The following RNGTT variants were observed in gnomAD, a reference collection of about 807,000 sequenced individuals.
RNGTT encodes mRNA-capping enzyme.
Under a neutral mutation model 79.3 loss-of-function variants are expected in RNGTT, and 33 were observed. The observed-to-expected ratio is 0.42, with a 90% CI of 0.32 to 0.56. The LOEUF (loss-of-function observed/expected upper bound fraction) is 0.56, where lower values mean the gene tolerates loss of function less well. Among genes scored for constraint, RNGTT ranks in the 20% least tolerant of loss-of-function variants. RNGTT has a pLI of 0.17. For synonymous variants in RNGTT, 222 were observed against 235.9 expected, an observed-to-expected ratio of 0.94 and a Z score of 0.54; for missense variants, 497 against 739.1, an observed-to-expected ratio of 0.67 and a Z score of 3.80.
chr6:88,889,623 C>G lies in RNGTT; in HGVS notation c.896+872G>C, dbSNP rs187819403. Among the ~76,000 whole-genome samples the G allele has an allele frequency of 2.0e-5, 3 of 152,232 alleles. 1 individual carries two copies. In the East Asian group the frequency reaches 5.8e-4, roughly 29 times the overall value. On this transcript the variant is annotated intron_variant, in intron 8 of 15. Coordinates refer to ENST00000369485, the MANE Select transcript of RNGTT (RefSeq NM_003800.5). ...TAGTTAATGACTTCTATGTTAATAT[C>G]TGTTAAAATAATTATTTCAACTTGC... is the stretch of plus-strand genomic sequence containing the variant.
At chr6:88,736,571 A>G (rs545483827) in intron 13 of RNGTT, among the ~76,000 whole-genome samples, 5 of 152,310 alleles carry the variant, frequency 3.3e-5, no homozygotes, top group African/African-American at 1.2e-4. Context: ...TATGGCTTAT[A>G]GTAAAATGCA....
intron 14 of RNGTT, among the ~76,000 whole-genome samples, chr6:88,674,361 A>G (rs9344840): frequency 0.11 from 17,321 of 152,126 alleles, 1,106 homozygotes; most frequent in Middle Eastern, 0.22. Context: ...CAGCCTGGAC[A>G]ACATGGTGAA....
intron 14 of RNGTT, among the ~76,000 whole-genome samples, chr6:88,671,049 A>G (rs866659213): frequency 1.3e-5 from 2 of 152,180 alleles, no homozygotes; most frequent in Admixed American, 6.5e-5. Flanking sequence ...GGAATAAGAC[A>G]ATGATGCCCA....
intron 8 of RNGTT, among the ~76,000 whole-genome samples, chr6:88,865,118 TAAAGA>T (rs1031013752): frequency 7.2e-5 from 11 of 152,150 alleles, no homozygotes; most frequent in South Asian, 2.1e-4. Flanking sequence ...TTTTAAAAAT[TAAAGA>T]AAAGAATTAA....
At chr6:88,961,936 G>A (rs982215558) in intron 1 of RNGTT, among the ~76,000 whole-genome samples, 1 of 151,994 alleles carries the variant, frequency 6.6e-6, no homozygotes, top group Non-Finnish European at 1.5e-5. Context: ...AACAAATTGT[G>A]GTATACCCAG....
intron 1 of RNGTT, among the ~76,000 whole-genome samples, chr6:88,943,356 A>T (rs778673398): frequency 6.6e-6 from 1 of 152,170 alleles, no homozygotes; most frequent in East Asian, 1.9e-4. Context: ...ATCCTTGCCT[A>T]TTCTCCTTTT....
intron 14 of RNGTT, among the ~76,000 whole-genome samples, chr6:88,642,764 C>T (rs1297583432): frequency 6.6e-6 from 1 of 152,048 alleles, no homozygotes; most frequent in Non-Finnish European, 1.5e-5. Flanking sequence ...AGTAAGACTG[C>T]TATAAACACT....
In RNGTT at chr6:88,955,346, C is replaced by T. The variant is rs566365955; in HGVS notation, c.64+8000G>A. ...CGGGCAAATCACAAGGTCAGGAGTT[C>T]GAGACCAGCCTGGCCAACATGGTGA... On this transcript the variant is annotated intron_variant, in intron 1 of 15. Coordinates refer to ENST00000369485, the MANE Select transcript of RNGTT (RefSeq NM_003800.5). Among the ~76,000 whole-genome samples, 395 of 151,852 alleles carry T rather than the reference C, an allele frequency of 2.6e-3. 1 individual carries two copies. Among genetic ancestry groups the T allele is most frequent in the South Asian group, 7.9e-3 (38 of 4,810 alleles).
intron 6 of RNGTT, among the ~76,000 whole-genome samples, chr6:88,898,004 C>T (rs77973347): frequency 0.025 from 3,783 of 152,158 alleles, 145 homozygotes; most frequent in African/African-American, 0.085. Flanking sequence ...TTAACTCCCC[C>T]CAGACTCTAC....
intron 11 of RNGTT, among the ~76,000 whole-genome samples, chr6:88,813,587 A>G (rs1192830203): frequency 6.6e-6 from 1 of 152,184 alleles, no homozygotes; most frequent in Non-Finnish European, 1.5e-5. Flanking sequence ...CCTCATAATT[A>G]CCATATACAG....
intron 6 of RNGTT, among the ~76,000 whole-genome samples, chr6:88,899,935 G>C (rs1489327335): frequency 6.6e-6 from 1 of 152,090 alleles, no homozygotes; most frequent in Non-Finnish European, 1.5e-5. Flanking sequence ...TAAGAGCAGA[G>C]CAAAAATAGA....
rs934578840 is a variant in RNGTT, at chr6:88,914,691, A to C, written c.368-8251T>G. ...GACTGCAAACTATAAAAATCCTGGA[A>C]GAAAACCTAGGAAATAGCCTTATGG... On this transcript the variant is annotated intron_variant, in intron 4 of 15. Coordinates refer to ENST00000369485, the MANE Select transcript of RNGTT (RefSeq NM_003800.5). Among the ~76,000 whole-genome samples, 4 of 152,232 alleles carry C rather than the reference A, an allele frequency of 2.6e-5. No homozygotes were observed. In the South Asian group the frequency reaches 8.3e-4, roughly 32 times the overall value.
At chr6:88,697,345 A>G (rs1373443682) in intron 13 of RNGTT, among the ~76,000 whole-genome samples, 1 of 151,436 alleles carries the variant, frequency 6.6e-6, no homozygotes, top group African/African-American at 2.4e-5. Flanking sequence ...AGGTCAGGAG[A>G]TCAAGACCAT....
chr6:88,770,069 G>A (rs529885704), intron 12 of RNGTT, among the ~76,000 whole-genome samples, 195 bp from the exon 13 acceptor site: 6 of 152,092 alleles, frequency 3.9e-5, no homozygotes, highest in Non-Finnish European at 8.8e-5. Flanking sequence ...CCAAAGACAT[G>A]TAGACCCTTG....
chr6:88,612,699 C>T lies in RNGTT; in HGVS notation c.*20G>A. On this transcript the variant is annotated 3_prime_UTR_variant, in exon 16 of 16. Transcript: ENST00000369485. ...TTCCTCATTCCTCTTTCTTCTTAAC[C>T]CTCAAGTCACAGGCAGGTCTTAGGT... is the stretch of plus-strand genomic sequence containing the variant. 6.3e-7 allele frequency: 1 copy of T among 1,591,662 alleles called. No individual in the cohort carries two copies. The highest frequency in any genetic ancestry group is 8.6e-7 in the Non-Finnish European group (1 of 1,168,688).
intron 13 of RNGTT, among the ~76,000 whole-genome samples, chr6:88,746,614 G>C (rs554171107): frequency 7.9e-4 from 121 of 152,248 alleles, no homozygotes; most frequent in Admixed American, 3.2e-3. Context: ...AGCAGTTCAC[G>C]ATGGGGTTTG....
intron 8 of RNGTT, among the ~76,000 whole-genome samples, chr6:88,874,514 T>C (rs995306493): frequency 1.3e-5 from 2 of 152,152 alleles, no homozygotes; most frequent in Admixed American, 1.3e-4. Flanking sequence ...TATAATTATT[T>C]CAAACAATTT....
At chr6:88,956,642 C>T in intron 1 of RNGTT, among the ~76,000 whole-genome samples, 1 of 152,162 alleles carries the variant, frequency 6.6e-6, no homozygotes, top group East Asian at 1.9e-4. Flanking sequence ...AAATCCTCAA[C>T]AAAATGCCAG....
intron 14 of RNGTT, among the ~76,000 whole-genome samples, chr6:88,637,206 A>G (rs1582262024): frequency 1.3e-5 from 2 of 152,066 alleles, no homozygotes; most frequent in East Asian, 3.8e-4. Flanking sequence ...TATCACATAA[A>G]CAGAAGAATT....
Sources: gnomAD v4.1 joint callset for allele counts (sites outside exome capture counted in the v4.1 genomes callset) on GRCh38, gnomAD v4.1.1 for gene constraint, MANE v1.5 for transcripts, NCBI Gene and HGNC (gene_info 2026-07-23, HGNC 2026-07-21) for gene names.